Variants in FAT1 observed in about 807,000 individuals in gnomAD.
FAT1 encodes FAT atypical cadherin 1.
Under a neutral mutation model 329.8 loss-of-function variants are expected in FAT1, and 171 were observed. The observed-to-expected ratio is 0.52, with a 90% CI of 0.46 to 0.59. The LOEUF (loss-of-function observed/expected upper bound fraction) is 0.59. FAT1 is among the 20% of genes least tolerant of loss of function. The pLI is 0.00. For synonymous variants in FAT1, 2,233 were observed against 2,228.6 expected, an observed-to-expected ratio of 1.00 and a Z score of -0.06; for missense variants, 5,672 against 5,774.4, an observed-to-expected ratio of 0.98 and a Z score of 0.57.
At position 186,606,196 on chromosome 4, in the gene FAT1, GA is replaced by G; in HGVS notation, c.10223del (p.Leu3408ProfsTer19). 6.2e-7 allele frequency: 1 copy of G among 1,612,886 alleles called. No individual in the cohort carries two copies. The highest frequency in any genetic ancestry group is 8.5e-7 in the Non-Finnish European group (1 of 1,179,704). ...TGCCATTATCAGAAGCTTGAACCGT[GA>G]GCGTGTAACCTGAAATCTTTTCAGG... ...LDRETISGYT[L>X]TVQASDNGSP... On this transcript the variant is annotated frameshift_variant, in exon 17 of 27. Transcript: ENST00000441802. LOFTEE classifies it high-confidence loss of function.
At chr4:186,691,352 T>C (rs1743752876) in intron 2 of FAT1, among the ~76,000 whole-genome samples, 1 of 152,232 alleles carries the variant, frequency 6.6e-6, no homozygotes, top group Admixed American at 6.5e-5. Flanking sequence ...GCTAACATGA[T>C]CTTCTATATA....
rs568140555 is a variant in FAT1 at position 186,710,948 on chromosome 4, C to T, written c.-18-1103G>A. Among the ~76,000 whole-genome samples, 63 of 152,330 alleles carry T rather than the reference C, an allele frequency of 4.1e-4. 1 individual carries two copies. The South Asian group carries it at 0.011, about 27-fold the overall frequency. ...GAAGTCCACTGGGCTGAGGTCTGGC[C>T]AGGGAAGCAGGACAGTTATTTTCAG... On this transcript the variant is annotated intron_variant, in intron 1 of 26. Coordinates refer to ENST00000441802, the MANE Select transcript of FAT1 (RefSeq NM_005245.4).
intron 17 of FAT1, 145 bp from the exon 18 acceptor site, chr4:186,604,719 G>A: frequency 1.8e-6 from 1 of 552,358 alleles, no homozygotes; most frequent in Non-Finnish European, 3.1e-6. Context: ...AAGAAAGGTG[G>A]AGACGGGAGT....
Position 186,609,797 on chromosome 4 carries a change from A to G in FAT1, c.10068+4T>C, listed in dbSNP as rs2126458722. On this transcript the variant is annotated splice_donor_region_variant and intron_variant, in intron 15 of 26. Transcript: ENST00000441802. ...TTTCACTGTAATGGGGAAAAAATAC[A>G]CACCGTGATGACAGACTGCTCAAGA... 1 of 1,603,784 alleles carries G rather than the reference A, an allele frequency of 6.2e-7. No individual in the cohort carries two copies. The highest frequency in any genetic ancestry group is 8.5e-7 in the Non-Finnish European group (1 of 1,170,600).
At chr4:186,590,508 G>A (rs962254150) in intron 26 of FAT1, 5 of 669,732 alleles carry the variant, frequency 7.5e-6, no homozygotes, top group Admixed American at 7.0e-5. Context: ...TGCTTACAGA[G>A]GCCCAATCAG....
chr4:186,692,304 G>GTTATTTATTTAT (rs144146876), intron 2 of FAT1, among the ~76,000 whole-genome samples: 1 of 148,200 alleles, frequency 6.7e-6, no homozygotes, highest in Admixed American at 6.7e-5. Context: ...TACATCTTAG[G>GTTATTTATTTAT]TTATTTATTT....
chr4:186,619,255 GT>G lies in FAT1; in HGVS notation c.7330del (p.Thr2444GlnfsTer14). ...DHKHFVIDSA[T>X]GIITLSNLHR... ...CAGGTTTGAGAGGGTGATAATCCCT[GT>G]TGCACTGTCAATGACAAAATGTTTA... is the stretch of plus-strand genomic sequence containing the variant. On this transcript the variant is annotated frameshift_variant, in exon 10 of 27. Transcript: ENST00000441802. LOFTEE classifies it high-confidence loss of function. 6.2e-7 allele frequency: 1 copy of G among 1,613,976 alleles called. No individual in the cohort carries two copies. The highest frequency in any genetic ancestry group is 8.5e-7 in the Non-Finnish European group (1 of 1,179,892).
rs192438901 is a variant in FAT1 at position 186,707,157 on chromosome 4, G to A, written c.2671C>T (p.His891Tyr). 1.2e-6 allele frequency: 2 copies of A among 1,613,918 alleles called. No individual in the cohort carries two copies. The highest frequency in any genetic ancestry group is 1.7e-6 in the Non-Finnish European group (2 of 1,179,880). Residue 891 changes from histidine (H) to tyrosine (Y), a missense_variant, in exon 2 of 27, where the codon CAC becomes TAC. This residue lies in a region of FAT1 where 3,966 missense variants were observed against 3,915.2 expected (regional missense o/e 1.01). Coordinates refer to ENST00000441802, the MANE Select transcript of FAT1 (RefSeq NM_005245.4). Reference sequence around the variant, plus strand: ...TCCCTGGCCTCAATCTTTAAGGAGTGCTCATGCTGCAGCTCTCGATCCAGA... The same window carrying A: ...TCCCTGGCCTCAATCTTTAAGGAGTACTCATGCTGCAGCTCTCGATCCAGA... The part of the protein sequence containing the change: ...RPLDRELQHE[H>Y]SLKIEARDQA...
At position 186,618,628 on chromosome 4, in the gene FAT1, C is replaced by T. The variant is rs2126497359; in HGVS notation, c.7958G>A (p.Gly2653Asp). 1 of 1,614,032 alleles carries T rather than the reference C, an allele frequency of 6.2e-7. No homozygotes were observed. The highest frequency in any genetic ancestry group is 8.5e-7 in the Non-Finnish European group (1 of 1,179,894). ...KENLEINKLS[G>D]VITTKESLIG... is the part of the protein sequence containing the mutation. ...GAGGCTCTCCTTTGTAGTGATTACG[C>T]CGGACAGTTTGTTAATTTCCAAATT... is the stretch of plus-strand genomic sequence containing the variant. The change falls in exon 10 of 27, where the codon GGC becomes GAC. Residue 2653 changes from glycine (G) to aspartate (D), a missense_variant. Gly to Asp is a moderately conservative substitution (Grantham distance 94, BLOSUM62 -1). This residue lies in a region of FAT1 where 3,966 missense variants were observed against 3,915.2 expected (regional missense o/e 1.01). Transcript: ENST00000441802.
intron 2 of FAT1, among the ~76,000 whole-genome samples, chr4:186,681,585 G>A (rs2126645483): frequency 6.6e-6 from 1 of 152,328 alleles, no homozygotes; most frequent in Non-Finnish European, 1.5e-5. Context: ...GTGCTCTAAA[G>A]TGAAATACAC....
chr4:186,719,710 T>C (rs1745378015), intron 1 of FAT1, among the ~76,000 whole-genome samples: 1 of 152,230 alleles, frequency 6.6e-6, no homozygotes, highest in Non-Finnish European at 1.5e-5. Flanking sequence ...AAGGATGGAC[T>C]AAAATCTTTA....
chr4:186,649,024 C>A (rs1741505670), intron 3 of FAT1, among the ~76,000 whole-genome samples: 1 of 152,138 alleles, frequency 6.6e-6, no homozygotes, highest in South Asian at 2.1e-4. Flanking sequence ...CAGAGAAACA[C>A]AATAGGACTA....
At chr4:186,698,707 C>T (rs1008090703) in intron 2 of FAT1, among the ~76,000 whole-genome samples, 1 of 152,240 alleles carries the variant, frequency 6.6e-6, no homozygotes, top group African/African-American at 2.4e-5. Context: ...GAGGGAAGCA[C>T]GGGTGATGTT....
intron 3 of FAT1, among the ~76,000 whole-genome samples, chr4:186,658,731 A>G (rs1354842931): frequency 1.3e-5 from 2 of 151,954 alleles, no homozygotes; most frequent in East Asian, 3.9e-4. Flanking sequence ...CTCTCCATCA[A>G]TCTATTGTTA....
At position 186,621,239 on chromosome 4, in the gene FAT1, C is replaced by G. The variant is rs572509773; in HGVS notation, c.5347G>C (p.Val1783Leu). ...LISESASINS[V>L]VLTDRNVPLV... ...GGGACATTCCTGTCTGTTAGGACCA[C>G]GCTGTTAATTGAGGCTGATTCACTA... is the stretch of plus-strand genomic sequence containing the variant. The change falls in exon 10 of 27, where the codon GTG becomes CTG. Residue 1783 changes from valine (V) to leucine (L), a missense_variant. Physicochemically the swap from Val to Leu is conservative, Grantham distance 32. Coordinates refer to ENST00000441802, the MANE Select transcript of FAT1 (RefSeq NM_005245.4). The G allele has an allele frequency of 6.2e-7, 1 of 1,613,990 alleles. No homozygotes were observed. Among genetic ancestry groups the G allele is most frequent in the Non-Finnish European group, 8.5e-7 (1 of 1,179,882 alleles).
Position 186,621,102 on chromosome 4 carries a change from A to T in FAT1, c.5484T>A (p.Ala1828=), listed in dbSNP as rs1376893543. The part of the protein sequence containing the change: ...TYFAIDSSTG[A]IHTVLSLDYE... ...AGTCCAGACTTAGTACTGTATGAAT[A>T]GCACCAGTGCTAGAATCAATAGCAA... The change falls in exon 10 of 27, where the codon GCT becomes GCA. Residue 1828 remains alanine (A), a synonymous_variant. Coordinates refer to ENST00000441802, the MANE Select transcript of FAT1 (RefSeq NM_005245.4). 6.2e-7 allele frequency: 1 copy of T among 1,613,778 alleles called. No homozygotes were observed.
At chr4:186,615,365 A>G (rs1167741803) in intron 11 of FAT1, among the ~76,000 whole-genome samples, 1 of 152,136 alleles carries the variant, frequency 6.6e-6, no homozygotes, top group Non-Finnish European at 1.5e-5. Context: ...GAACAGCCCT[A>G]TCACTTTCCA....
intron 3 of FAT1, among the ~76,000 whole-genome samples, chr4:186,652,029 C>T (rs1012532139): frequency 1.3e-5 from 2 of 152,154 alleles, no homozygotes; most frequent in Non-Finnish European, 2.9e-5. Context: ...TTTCAGAGTT[C>T]CAAAGAAAAC....
Position 186,709,314 on chromosome 4 carries a change from T to C in FAT1, c.514A>G (p.Ser172Gly), listed in dbSNP as rs1346125873. 27 of 1,613,888 alleles carry C rather than the reference T, an allele frequency of 1.7e-5. No homozygotes were observed. Among genetic ancestry groups the C allele is most frequent in the Non-Finnish European group, 2.2e-5 (26 of 1,179,910 alleles). The change falls in exon 2 of 27, where the codon AGC becomes GGC. Residue 172 changes from serine (S) to glycine (G), a missense_variant. Around this residue, in one of 2 missense-constraint regions of FAT1, gnomAD observed 3,966 missense variants for 3,915.2 expected, o/e 1.01. Coordinates refer to ENST00000441802, the MANE Select transcript of FAT1 (RefSeq NM_005245.4). ...GTTCCTATGTCTGCATCCGTGGCGC[T>C]GACTCTTGCGATACTGGTCCTTATA... Reference protein sequence around the residue: ...TAIRTSIARVSATDADIGTNG... With the variant: ...TAIRTSIARVGATDADIGTNG...
Sources: allele counts gnomAD v4.1 joint callset (sites outside exome capture counted in the v4.1 genomes callset), GRCh38; gene constraint gnomAD v4.1.1; regional missense constraint gnomAD v4.1.1; transcripts MANE v1.5; gene names NCBI Gene and HGNC (gene_info 2026-07-23, HGNC 2026-07-21).